The following GALNT13 variants were observed in gnomAD, a reference collection of about 807,000 sequenced individuals.
The protein encoded by GALNT13 is UDP-GalNAc:polypeptide N-acetylgalactosaminyltransferase 13.
In GALNT13, 28 loss-of-function variants were observed where a neutral mutation model predicts 64.2. The observed-to-expected ratio is 0.44, with a 90% CI of 0.32 to 0.60. The LOEUF is 0.60. Ranked by LOEUF, GALNT13 falls within the 20% of genes least tolerant of loss-of-function variation. The pLI is 0.05. For synonymous variants in GALNT13, 214 were observed against 224.6 expected (o/e 0.95, Z 0.42); for missense variants, 577 against 669.8 (o/e 0.86, Z 1.53).
chr2:153,408,872 G>C, the GALNT13 span, among the ~76,000 whole-genome samples: 1 of 152,160 alleles, frequency 6.6e-6, no homozygotes. Flanking sequence ...AGTGGACTCA[G>C]TGAGTCAGAG....
chr2:154,283,638 A>G (rs1451547328), intron 8 of GALNT13, among the ~76,000 whole-genome samples: 1 of 151,976 alleles, frequency 6.6e-6, no homozygotes, highest in African/African-American at 2.4e-5. Context: ...GCTTTTTCTT[A>G]AAGAGATAAC....
chr2:153,881,830 C>G (rs1317776428), intron 1 of GALNT13, among the ~76,000 whole-genome samples: 1 of 151,920 alleles, frequency 6.6e-6, no homozygotes, highest in African/African-American at 2.4e-5. Flanking sequence ...TCAATTTTAC[C>G]CTGTGTCCCT....
the GALNT13 span, among the ~76,000 whole-genome samples, chr2:153,526,422 GA>G: frequency 1.9e-4 from 29 of 152,208 alleles, no homozygotes; most frequent in African/African-American, 6.8e-4. Flanking sequence ...GTAATCCATA[GA>G]ACTCACCTGC....
At chr2:154,024,320 C>G (rs1357482222) in intron 3 of GALNT13, among the ~76,000 whole-genome samples, 1 of 152,204 alleles carries the variant, frequency 6.6e-6, no homozygotes, top group African/African-American at 2.4e-5. Flanking sequence ...CTCCCCGTCA[C>G]TTTCAGGTAC....
At chr2:153,448,258 A>G in the GALNT13 span, among the ~76,000 whole-genome samples, 1 of 152,328 alleles carries the variant, frequency 6.6e-6, no homozygotes, top group African/African-American at 2.4e-5. Context: ...ATTTATCAAC[A>G]CTGCCCGCAA....
chr2:154,063,996 G>A (rs1700329268), intron 3 of GALNT13, among the ~76,000 whole-genome samples: 1 of 152,206 alleles, frequency 6.6e-6, no homozygotes, highest in Non-Finnish European at 1.5e-5. Flanking sequence ...AGGAAAGAAA[G>A]TCTTGAATTG....
At chr2:153,857,300 C>A in the GALNT13 span, among the ~76,000 whole-genome samples, 2 of 152,068 alleles carry the variant, frequency 1.3e-5, no homozygotes, top group Non-Finnish European at 2.9e-5. Flanking sequence ...TATTTACCAG[C>A]GTACCACTGA....
chr2:154,214,369 CTTG>C (rs1194638124), intron 4 of GALNT13, among the ~76,000 whole-genome samples: 1 of 152,070 alleles, frequency 6.6e-6, no homozygotes, highest in South Asian at 2.1e-4. Flanking sequence ...TCCACCTTTG[CTTG>C]TTGTACTATT....
the GALNT13 span, among the ~76,000 whole-genome samples, chr2:153,103,690 G>T: frequency 6.6e-6 from 1 of 152,052 alleles, no homozygotes; most frequent in Admixed American, 6.6e-5. Context: ...GTCTTTTTTG[G>T]TTTGCTTTTC....
intron 1 of GALNT13, among the ~76,000 whole-genome samples, chr2:153,873,478 A>G (rs1351664479): frequency 6.6e-6 from 1 of 152,226 alleles, no homozygotes; most frequent in Admixed American, 6.5e-5. Flanking sequence ...CAGCTGCAGA[A>G]GAACGGACAG....
chr2:154,445,779 T>C, intron 12 of GALNT13: 2 of 1,285,034 alleles, frequency 1.6e-6, no homozygotes, highest in South Asian at 1.2e-5. Context: ...CACTGGTCTT[T>C]CACTAAGTGT....
At chr2:154,066,815 A>G (rs1700491364) in intron 3 of GALNT13, among the ~76,000 whole-genome samples, 2 of 152,150 alleles carry the variant, frequency 1.3e-5, no homozygotes, top group African/African-American at 4.8e-5. Context: ...TGGTAATAGT[A>G]AGCACACAGA....
At chr2:153,664,956 C>G in the GALNT13 span, among the ~76,000 whole-genome samples, 1 of 152,176 alleles carries the variant, frequency 6.6e-6, no homozygotes, top group Non-Finnish European at 1.5e-5. Flanking sequence ...TACCACTAAA[C>G]TGGAGTACAA....
chr2:153,290,289 G>C, the GALNT13 span, among the ~76,000 whole-genome samples: 22 of 152,262 alleles, frequency 1.4e-4, no homozygotes, highest in African/African-American at 4.3e-4. Flanking sequence ...TCCAGGCAGA[G>C]ATGTTGTTAG....
the GALNT13 span, among the ~76,000 whole-genome samples, chr2:153,424,302 A>C: frequency 6.6e-6 from 1 of 151,690 alleles, no homozygotes; most frequent in East Asian, 1.9e-4. Flanking sequence ...TATTTAAAAA[A>C]TTTTGCTGTG....
At chr2:153,666,768 A>T in the GALNT13 span, among the ~76,000 whole-genome samples, 1 of 152,146 alleles carries the variant, frequency 6.6e-6, no homozygotes, top group Non-Finnish European at 1.5e-5. Context: ...GTGTCTCCTT[A>T]CCTCCCAATG....
chr2:154,176,827 T>C (rs1007324259), intron 4 of GALNT13, among the ~76,000 whole-genome samples: 6 of 152,170 alleles, frequency 3.9e-5, no homozygotes, highest in Admixed American at 3.9e-4. Flanking sequence ...AAAGGGAAAA[T>C]TCTTAATAAA....
chr2:153,550,893 GTA>G, the GALNT13 span, among the ~76,000 whole-genome samples: 1 of 152,258 alleles, frequency 6.6e-6, no homozygotes, highest in African/African-American at 2.4e-5. Context: ...CCTTTATAGA[GTA>G]TATGTTTTAG....
At chr2:154,339,554 T>G (rs958781667) in intron 9 of GALNT13, among the ~76,000 whole-genome samples, 2 of 152,142 alleles carry the variant, frequency 1.3e-5, no homozygotes, top group South Asian at 2.1e-4. Context: ...GTAGTTCTTA[T>G]AGAGACATGT....
Sources: gnomAD v4.1 joint callset for allele counts (sites outside exome capture counted in the v4.1 genomes callset) on GRCh38, gnomAD v4.1.1 for gene constraint, MANE v1.5 for transcripts, NCBI Gene and HGNC (gene_info 2026-07-23, HGNC 2026-07-21) for gene names.